STIMATE: variants seen among roughly 807,000 people sequenced by gnomAD.
STIMATE encodes the protein store-operated calcium entry regulator STIMATE.
A neutral mutation model predicts 36.7 loss-of-function variants in STIMATE; 15 were observed. That is an observed-to-expected ratio of 0.41 (90% CI 0.27 to 0.63). The LOEUF (loss-of-function observed/expected upper bound fraction) is 0.63. Among genes scored for constraint, STIMATE ranks in the 20% least tolerant of loss-of-function variants. STIMATE has a pLI of 0.32. For synonymous variants in STIMATE, 163 were observed against 162.3 expected, an observed-to-expected ratio of 1.00 and a Z score of -0.03; for missense variants, 305 against 397.3, an observed-to-expected ratio of 0.77 and a Z score of 1.98.
chr3:52,867,630 C>T (rs1701333781), intron 1 of STIMATE, among the ~76,000 whole-genome samples: 1 of 152,246 alleles, frequency 6.6e-6, no homozygotes, highest in Non-Finnish European at 1.5e-5. Context: ...AGCTGTCTCA[C>T]GGGCCAGTGC....
At chr3:52,877,522 T>C (rs1701520652) in intron 1 of STIMATE, among the ~76,000 whole-genome samples, 1 of 152,214 alleles carries the variant, frequency 6.6e-6, no homozygotes, top group African/African-American at 2.4e-5. Context: ...GACAGAGGAA[T>C]TCTGGGTTCT....
chr3:52,845,442 C>G (rs960403080), intron 4 of STIMATE, among the ~76,000 whole-genome samples: 1 of 152,170 alleles, frequency 6.6e-6, no homozygotes, highest in African/African-American at 2.4e-5. Flanking sequence ...CCCAACTCCC[C>G]GGGCCATCCC....
intron 3 of STIMATE, among the ~76,000 whole-genome samples, chr3:52,851,490 T>C (rs889328177): frequency 1.3e-5 from 2 of 152,246 alleles, no homozygotes; most frequent in Non-Finnish European, 2.9e-5. Context: ...GGGCGCAGCC[T>C]GTGCTAGGGT....
intron 1 of STIMATE, among the ~76,000 whole-genome samples, chr3:52,860,876 C>A (rs1339302529): frequency 6.6e-6 from 1 of 152,152 alleles, no homozygotes; most frequent in Non-Finnish European, 1.5e-5. Flanking sequence ...AGGCAACAAA[C>A]AAGGAGGGGT....
rs1700747593 is a variant in STIMATE at position 52,838,665 on chromosome 3, T to C, written c.*1829A>G. On this transcript the variant is annotated 3_prime_UTR_variant, in exon 8 of 8. Coordinates refer to ENST00000355083, the MANE Select transcript of STIMATE (RefSeq NM_198563.5). ...ACTGTAGTTACAGTCCCTGCTCCTC[T>C]CAGCACCCTGGCTCTGCACTCCTGG... 6.6e-6 allele frequency: 1 copy of C among 152,204 alleles called. No homozygotes were observed. The highest frequency in any genetic ancestry group is 6.5e-5 in the Admixed American group (1 of 15,274). 9.4% of individuals were successfully genotyped at this position (152,204 alleles called of 1,614,324 possible). A position where few individuals can be genotyped will look rare whatever the true frequency, so the allele number is the denominator to read the frequency against.
intron 1 of STIMATE, among the ~76,000 whole-genome samples, chr3:52,869,243 G>A (rs1014809342): frequency 1.3e-5 from 2 of 152,146 alleles, no homozygotes; most frequent in East Asian, 3.8e-4. Flanking sequence ...CAGTCCTCTC[G>A]CCTGAATCCA....
At chr3:52,894,881 T>C (rs199668632) in intron 1 of STIMATE, among the ~76,000 whole-genome samples, 6 of 152,206 alleles carry the variant, frequency 3.9e-5, no homozygotes, top group Non-Finnish European at 8.8e-5. Context: ...ACAACGGCTG[T>C]TTAAACTGCT....
intron 1 of STIMATE, among the ~76,000 whole-genome samples, chr3:52,892,474 G>A (rs1701798575): frequency 6.6e-6 from 1 of 152,220 alleles, no homozygotes; most frequent in South Asian, 2.1e-4. Context: ...GAAAAAAGGG[G>A]CGTTCTTCCT....
At chr3:52,844,623 C>T (rs1578799098) in intron 5 of STIMATE, among the ~76,000 whole-genome samples, 1 of 152,248 alleles carries the variant, frequency 6.6e-6, no homozygotes, top group African/African-American at 2.4e-5. Context: ...CATCCCAAGG[C>T]TTCATCTAGA....
intron 1 of STIMATE, among the ~76,000 whole-genome samples, chr3:52,878,986 C>T (rs972697172): frequency 2.1e-4 from 32 of 152,160 alleles, no homozygotes; most frequent in African/African-American, 7.2e-4. Flanking sequence ...CACCTTTACT[C>T]AAGCAAAAAA....
intron 1 of STIMATE, among the ~76,000 whole-genome samples, chr3:52,891,097 T>C (rs867176469): frequency 6.7e-6 from 1 of 149,214 alleles, no homozygotes; most frequent in African/African-American, 2.5e-5. Context: ...TAAATAAAAA[T>C]AATTATCAAG....
chr3:52,862,763 A>G (rs1701238893), intron 1 of STIMATE, among the ~76,000 whole-genome samples: 1 of 152,206 alleles, frequency 6.6e-6, no homozygotes, highest in Non-Finnish European at 1.5e-5. Context: ...CCTTATTTGG[A>G]GAAAAGGTCT....
At chr3:52,881,049 G>A (rs960912415) in intron 1 of STIMATE, among the ~76,000 whole-genome samples, 1 of 152,026 alleles carries the variant, frequency 6.6e-6, no homozygotes, top group African/African-American at 2.4e-5. Context: ...TTAGCCAGAT[G>A]TGGTGGGCAT....
chr3:52,868,564 C>T (rs902378809), intron 1 of STIMATE, among the ~76,000 whole-genome samples: 1 of 152,152 alleles, frequency 6.6e-6, no homozygotes, highest in African/African-American at 2.4e-5. Context: ...GAGCAGCTGC[C>T]GTTATGGCTG....
chr3:52,852,519 C>T, intron 3 of STIMATE, 84 bp downstream of exon 3: 2 of 1,549,868 alleles, frequency 1.3e-6, no homozygotes, highest in Non-Finnish European at 1.8e-6. Context: ...CCAGAGGGAG[C>T]AGGACCAGCA....
At chr3:52,875,585 C>T (rs888629907) in intron 1 of STIMATE, among the ~76,000 whole-genome samples, 3 of 152,124 alleles carry the variant, frequency 2.0e-5, no homozygotes, top group East Asian at 3.9e-4. Flanking sequence ...GAATGAATAA[C>T]GGGTATGGAG....
At chr3:52,849,426 C>A (rs1194985290) in intron 4 of STIMATE, among the ~76,000 whole-genome samples, 2 of 152,214 alleles carry the variant, frequency 1.3e-5, no homozygotes, top group Non-Finnish European at 2.9e-5. Flanking sequence ...TCTCTTTAAC[C>A]TGGTAGGCAG....
At chr3:52,856,156 C>G (rs1559492028) in intron 1 of STIMATE, among the ~76,000 whole-genome samples, 3 of 152,160 alleles carry the variant, frequency 2.0e-5, no homozygotes, top group Admixed American at 2.0e-4. Flanking sequence ...GGTACAGGGA[C>G]AAAGCATGGC....
intron 1 of STIMATE, among the ~76,000 whole-genome samples, chr3:52,868,817 A>C (rs936509553): frequency 6.6e-5 from 10 of 152,008 alleles, no homozygotes; most frequent in Admixed American, 3.9e-4. Context: ...ACAAGGTTTT[A>C]CCGTGTTGTC....
Sources: allele counts gnomAD v4.1 joint callset (sites outside exome capture counted in the v4.1 genomes callset), GRCh38; gene constraint gnomAD v4.1.1; transcripts MANE v1.5; gene names NCBI Gene and HGNC (gene_info 2026-07-23, HGNC 2026-07-21).